The following PLSCR2 variants were observed in gnomAD, a reference collection of about 807,000 sequenced individuals.
PLSCR2 encodes PL scramblase 2.
Under a neutral mutation model 25.3 loss-of-function variants are expected in PLSCR2, and 18 were observed. That is an observed-to-expected ratio of 0.71 (90% confidence interval 0.49 to 1.06). The LOEUF (loss-of-function observed/expected upper bound fraction) is 1.06. Among genes scored for constraint, PLSCR2 ranks in the 50% least tolerant of loss-of-function variants. PLSCR2 has a pLI of 0.00. For missense variants in PLSCR2, 243 were observed against 269.5 expected (o/e 0.90, Z 0.69); for synonymous variants, 88 against 87.3 (o/e 1.01, Z -0.04).
At chr3:146,477,514 C>T (rs1282761534) in intron 1 of PLSCR2, among the ~76,000 whole-genome samples, 2 of 152,246 alleles carry the variant, frequency 1.3e-5, no homozygotes, top group Non-Finnish European at 2.9e-5. Context: ...ACCTGCGAGG[C>T]AGCAGCCTGG....
At chr3:146,454,253 C>T (rs1374839807) in intron 4 of PLSCR2, 90 bp from the exon 5 acceptor site, 6 of 921,048 alleles carry the variant, frequency 6.5e-6, no homozygotes, top group Middle Eastern at 3.2e-4. Flanking sequence ...TTCCTAAGTG[C>T]CAGACATTGT....
chr3:146,435,930 A>G (rs929600874), intron 8 of PLSCR2, among the ~76,000 whole-genome samples: 12 of 152,210 alleles, frequency 7.9e-5, no homozygotes, highest in Admixed American at 7.9e-4. Context: ...TCTTTAATCC[A>G]TCTTGAATTA....
chr3:146,475,031 A>G (rs1283725594), intron 1 of PLSCR2, among the ~76,000 whole-genome samples: 1 of 151,822 alleles, frequency 6.6e-6, no homozygotes, highest in Non-Finnish European at 1.5e-5. Flanking sequence ...TCTAGTTAGC[A>G]ATTCCTCTAA....
intron 1 of PLSCR2, among the ~76,000 whole-genome samples, chr3:146,491,364 G>A (rs2043546840): frequency 6.6e-6 from 1 of 151,610 alleles, no homozygotes. Flanking sequence ...TATCTTACAG[G>A]GTTCTCTGAA....
At chr3:146,481,032 G>A (rs1224562346) in intron 1 of PLSCR2, among the ~76,000 whole-genome samples, 1 of 151,886 alleles carries the variant, frequency 6.6e-6, no homozygotes, top group East Asian at 1.9e-4. Context: ...AAATTCAACA[G>A]CTCCTCATAT....
chr3:146,403,380 G>A (rs997296654), intron 2 of PLSCR2, among the ~76,000 whole-genome samples: 1 of 152,110 alleles, frequency 6.6e-6, no homozygotes, highest in Non-Finnish European at 1.5e-5. Context: ...AATTATTGAC[G>A]CCAAGCTGTG....
At chr3:146,492,015 G>C (rs1465715405) in intron 1 of PLSCR2, among the ~76,000 whole-genome samples, 2 of 152,072 alleles carry the variant, frequency 1.3e-5, no homozygotes, top group Non-Finnish European at 2.9e-5. Flanking sequence ...TTGTGTTTTT[G>C]TATCCTTTGA....
chr3:146,482,767 C>G (rs2043174468), intron 1 of PLSCR2, among the ~76,000 whole-genome samples: 1 of 152,152 alleles, frequency 6.6e-6, no homozygotes, highest in Admixed American at 6.5e-5. Context: ...TATAAAGACA[C>G]ATGAACACGT....
chr3:146,465,572 C>CAAA (rs11459539), intron 1 of PLSCR2, among the ~76,000 whole-genome samples: 7 of 125,542 alleles, frequency 5.6e-5, no homozygotes, highest in Non-Finnish European at 6.8e-5. Context: ...TCACCCTCCA[C>CAAA]AAAAAAAAAA....
rs551615263 is a variant in PLSCR2, at chr3:146,409,636, G to T, written c.101-13715C>A. The stretch of plus-strand genomic sequence containing the variant: ...CTCCTAACTTTGGCCATTCTATCCC[G>T]CAGAGTGTCTGGAGCTTGCCTTTTT... On this transcript the variant is annotated intron_variant and NMD_transcript_variant, in intron 2 of 3. Transcript: ENST00000463633. Among the ~76,000 whole-genome samples the T allele has an allele frequency of 4.4e-4, 67 of 152,214 alleles. No individual in the cohort carries two copies. The South Asian group carries it at 0.013, about 31-fold the overall frequency.
chr3:146,494,932 A>C (rs1189410496), intron 1 of PLSCR2: 2 of 152,182 alleles, frequency 1.3e-5, no homozygotes. Context: ...TTTGTAGGTC[A>C]ACTCTGATCC....
At chr3:146,490,638 A>T (rs2043515138) in intron 1 of PLSCR2, among the ~76,000 whole-genome samples, 1 of 152,100 alleles carries the variant, frequency 6.6e-6, no homozygotes, top group Admixed American at 6.6e-5. Flanking sequence ...GGTTATTTAC[A>T]GTCTGCTTGA....
exon 3 of PLSCR2, chr3:146,458,452 A>G (rs1249287353): frequency 6.1e-6 from 9 of 1,465,472 alleles, no homozygotes; most frequent in Non-Finnish European, 8.3e-6. Context: ...TATCATATCT[A>G]TCTATTATAG....
At chr3:146,460,395 C>A in exon 1 of PLSCR2, 2 of 164,702 alleles carry the variant, frequency 1.2e-5, no homozygotes, top group Non-Finnish European at 1.2e-5. Flanking sequence ...CTAAAGTGAT[C>A]TATATGAAGA....
At chr3:146,414,047 C>T (rs1396847045) in intron 2 of PLSCR2, among the ~76,000 whole-genome samples, 1 of 152,152 alleles carries the variant, frequency 6.6e-6, no homozygotes, top group Non-Finnish European at 1.5e-5. Flanking sequence ...CTTCCTGCTC[C>T]ATCATATGGT....
chr3:146,438,274 T>C (rs1166802653), downstream of PLSCR2, among the ~76,000 whole-genome samples: 7 of 152,226 alleles, frequency 4.6e-5, no homozygotes, highest in African/African-American at 9.6e-5. Flanking sequence ...GAGAGTTCTG[T>C]AGATGTCTAT....
At chr3:146,446,494 C>T (rs2040560655) in intron 6 of PLSCR2, among the ~76,000 whole-genome samples, 1 of 152,126 alleles carries the variant, frequency 6.6e-6, no homozygotes, top group East Asian at 1.9e-4. Flanking sequence ...GTTTTCTTCC[C>T]TGACTTTCCC....
At chr3:146,400,981 C>T (rs893761996) in intron 2 of PLSCR2, among the ~76,000 whole-genome samples, 3 of 151,920 alleles carry the variant, frequency 2.0e-5, no homozygotes, top group Non-Finnish European at 4.4e-5. Context: ...GATCTCAACA[C>T]TTTCCTCACA....
upstream of PLSCR2, among the ~76,000 whole-genome samples, chr3:146,462,128 A>AAC (rs1168919928): frequency 7.2e-5 from 11 of 152,198 alleles, no homozygotes; most frequent in East Asian, 2.1e-3. Context: ...CAACTGTTGG[A>AAC]ACAAGATATT....
Sources: gnomAD v4.1 joint callset for allele counts (sites outside exome capture counted in the v4.1 genomes callset) on GRCh38, gnomAD v4.1.1 for gene constraint, MANE v1.5 for transcripts, NCBI Gene and HGNC (gene_info 2026-07-23, HGNC 2026-07-21) for gene names.